Variants in TRAPPC9 observed in about 807,000 individuals in gnomAD.
TRAPPC9 encodes trafficking protein particle complex subunit 9, also known as IKK2 binding protein.
A neutral mutation model predicts 124.0 loss-of-function variants in TRAPPC9; 83 were observed. The ratio of observed to expected loss-of-function variants is 0.67; its 90% CI spans 0.56 to 0.80. The LOEUF is 0.80. Among genes scored for constraint, TRAPPC9 ranks in the 30% least tolerant of loss-of-function variants. The pLI, the probability that TRAPPC9 is intolerant of heterozygous loss-of-function variation, is 0.00. For synonymous variants in TRAPPC9, 638 were observed against 617.5 expected (o/e 1.03, Z -0.49); for missense variants, 1,302 against 1,508.3 (o/e 0.86, Z 2.27).
At chr8:140,062,050 G>A (rs1172655219) in intron 17 of TRAPPC9, among the ~76,000 whole-genome samples, 3 of 152,118 alleles carry the variant, frequency 2.0e-5, no homozygotes, top group Admixed American at 6.5e-5. Context: ...TACACGCACA[G>A]CCAGGGGCCT....
chr8:140,324,375 A>G (rs1171393720), intron 9 of TRAPPC9, among the ~76,000 whole-genome samples: 4 of 152,254 alleles, frequency 2.6e-5, no homozygotes, highest in Admixed American at 2.0e-4. Flanking sequence ...TATGTACTTA[A>G]TAACAGAGCT....
At chr8:140,421,540 T>A (rs2070208728) in intron 5 of TRAPPC9, among the ~76,000 whole-genome samples, 1 of 152,222 alleles carries the variant, frequency 6.6e-6, no homozygotes, top group African/African-American at 2.4e-5. Context: ...GATTTTTACC[T>A]TGTGAAACAA....
chr8:140,427,028 C>T (rs1012653159), intron 4 of TRAPPC9, among the ~76,000 whole-genome samples: 6 of 151,612 alleles, frequency 4.0e-5, no homozygotes, highest in African/African-American at 1.5e-4. Flanking sequence ...CAGGTTCCAG[C>T]AATTCTCCTG....
chr8:139,773,500 T>C (rs1821132309), intron 21 of TRAPPC9, among the ~76,000 whole-genome samples: 1 of 152,130 alleles, frequency 6.6e-6, no homozygotes, highest in Admixed American at 6.5e-5. Flanking sequence ...GGGTGAGTCC[T>C]CCCCGGTGGA....
intron 5 of TRAPPC9, among the ~76,000 whole-genome samples, chr8:140,422,821 T>C (rs2070269237): frequency 6.6e-6 from 1 of 151,148 alleles, no homozygotes; most frequent in South Asian, 2.1e-4. Context: ...ATTTAAAAAT[T>C]GGTAACTATC....
intron 17 of TRAPPC9, among the ~76,000 whole-genome samples, chr8:140,158,175 G>GC (rs920668857): frequency 3.3e-5 from 5 of 152,104 alleles, no homozygotes; most frequent in African/African-American, 7.2e-5. Flanking sequence ...CCAAGTAACA[G>GC]CCCCCCCTCA....
At chr8:139,990,905 C>A (rs575792257) in intron 18 of TRAPPC9, among the ~76,000 whole-genome samples, 1 of 152,238 alleles carries the variant, frequency 6.6e-6, no homozygotes, top group African/African-American at 2.4e-5. Context: ...CCATTTATAT[C>A]ATGTAGCACA....
intron 19 of TRAPPC9, among the ~76,000 whole-genome samples, chr8:139,941,047 A>C (rs1303390377): frequency 6.6e-6 from 1 of 152,196 alleles, no homozygotes; most frequent in Non-Finnish European, 1.5e-5. Flanking sequence ...GACCCACATG[A>C]TTGGTTCTGT....
intron 17 of TRAPPC9, among the ~76,000 whole-genome samples, chr8:140,179,863 T>C (rs565575073): frequency 2.6e-5 from 4 of 152,234 alleles, no homozygotes; most frequent in Admixed American, 2.0e-4. Context: ...CTTTGTCTTA[T>C]ATTAATAAAG....
chr8:139,845,866 C>T (rs1158312314), intron 21 of TRAPPC9, among the ~76,000 whole-genome samples: 2 of 152,208 alleles, frequency 1.3e-5, no homozygotes, highest in East Asian at 1.9e-4. Context: ...TGGGGCCAGG[C>T]AGGATCCTTG....
At chr8:139,813,735 C>T (rs1235784966) in intron 21 of TRAPPC9, among the ~76,000 whole-genome samples, 1 of 152,216 alleles carries the variant, frequency 6.6e-6, no homozygotes, top group Non-Finnish European at 1.5e-5. Flanking sequence ...GCAGAATGGG[C>T]TGCCTGGGGA....
intron 17 of TRAPPC9, among the ~76,000 whole-genome samples, chr8:140,172,163 C>T (rs1184203676): frequency 6.6e-6 from 1 of 152,182 alleles, no homozygotes; most frequent in African/African-American, 2.4e-5. Flanking sequence ...GAGGCTGTGG[C>T]ATTGCACTGG....
At chr8:140,334,284 TC>T (rs1401070510) in intron 9 of TRAPPC9, among the ~76,000 whole-genome samples, 1 of 152,162 alleles carries the variant, frequency 6.6e-6, no homozygotes, top group African/African-American at 2.4e-5. Context: ...ATCTCGTAAT[TC>T]CTTTGTCTGC....
intron 17 of TRAPPC9, among the ~76,000 whole-genome samples, chr8:140,212,347 G>A (rs924278075): frequency 6.6e-6 from 1 of 152,184 alleles, no homozygotes; most frequent in Admixed American, 6.5e-5. Context: ...TCTTGAGATG[G>A]CATACATAGT....
intron 6 of TRAPPC9, among the ~76,000 whole-genome samples, chr8:140,404,612 T>C (rs1415880514): frequency 1.3e-5 from 2 of 152,106 alleles, no homozygotes; most frequent in Non-Finnish European, 1.5e-5. Flanking sequence ...GCTGAGTGGG[T>C]AAAGCAAGTG....
intron 6 of TRAPPC9, among the ~76,000 whole-genome samples, chr8:140,398,634 C>T (rs915110592): frequency 2.0e-5 from 3 of 152,030 alleles, no homozygotes; most frequent in Non-Finnish European, 4.4e-5. Context: ...GGATATCTGG[C>T]AGAAGAAATT....
chr8:140,051,868 T>A (rs1842026294), intron 17 of TRAPPC9, among the ~76,000 whole-genome samples: 1 of 152,128 alleles, frequency 6.6e-6, no homozygotes, highest in Non-Finnish European at 1.5e-5. Context: ...CACTCTCCTG[T>A]AAGATCACAG....
rs564165527 is a variant in TRAPPC9 at position 139,884,611 on chromosome 8, C to T, written c.3055+1268G>A. On this transcript the variant is annotated intron_variant, in intron 21 of 22. Transcript: ENST00000438773. ...GCCAGGGGGGCCCAGATGTCTTTCC[C>T]GGCTCAGCTATCTGAGTCTAGGGAC... Among the ~76,000 whole-genome samples, 7 of 152,342 alleles carry T rather than the reference C, an allele frequency of 4.6e-5. No individual in the cohort carries two copies. The South Asian group carries it at 8.3e-4, about 18-fold the overall frequency.
intron 18 of TRAPPC9, among the ~76,000 whole-genome samples, chr8:140,002,165 C>T (rs1172329688): frequency 6.6e-6 from 1 of 151,784 alleles, no homozygotes; most frequent in Non-Finnish European, 1.5e-5. Flanking sequence ...ACCAATAATA[C>T]TCAACAAATT....
Sources: allele counts gnomAD v4.1 joint callset (sites outside exome capture counted in the v4.1 genomes callset), GRCh38; gene constraint gnomAD v4.1.1; transcripts MANE v1.5; gene names NCBI Gene and HGNC (gene_info 2026-07-23, HGNC 2026-07-21).